The following STAT4 variants were observed in gnomAD, a reference collection of about 807,000 sequenced individuals.
STAT4 encodes the protein signal transducer and activator of transcription 4.
STAT4 carries 42 observed loss-of-function variants against 110.5 expected under a neutral mutation model. The ratio of observed to expected loss-of-function variants is 0.38; its 90% CI spans 0.30 to 0.49. The LOEUF (loss-of-function observed/expected upper bound fraction) is 0.49, where lower values mean the gene tolerates loss of function less well. STAT4 is among the 20% of genes least tolerant of loss of function. The pLI is 0.95. For synonymous variants in STAT4, 284 were observed against 302.2 expected, an observed-to-expected ratio of 0.94 and a Z score of 0.63; for missense variants, 632 against 887.9, an observed-to-expected ratio of 0.71 and a Z score of 3.66.
rs1696256140 is a variant in STAT4, at chr2:191,043,203, A to G, written c.1252-2055T>C. Reference sequence around the variant, plus strand: ...TATTGTAAGAAACATTCTGAAAATAATAAAGAACCACTTAAAATATAATAA... The same window carrying G: ...TATTGTAAGAAACATTCTGAAAATAGTAAAGAACCACTTAAAATATAATAA... On this transcript the variant is annotated intron_variant, in intron 14 of 23. Coordinates refer to ENST00000392320, the MANE Select transcript of STAT4 (RefSeq NM_003151.4). The surrounding 1 kb of genome is among the most constrained non-coding windows in gnomAD (Gnocchi z 4.8). 6.6e-6 allele frequency among the ~76,000 whole-genome samples: 1 copy of G among 152,280 alleles called. No individual in the cohort carries two copies. The highest frequency in any genetic ancestry group is 1.5e-5 in the Non-Finnish European group (1 of 68,054).
rs1341837783 is a variant in STAT4, at chr2:191,082,066, A to G, written c.274-5741T>C. ...TATTGTGCTGAGATTTCTTTCATCT[A>G]TTATGAGGAATTTGGCAATTTCTCT... is the stretch of plus-strand genomic sequence containing the variant. On this transcript the variant is annotated intron_variant, in intron 3 of 23. Coordinates refer to ENST00000392320, the MANE Select transcript of STAT4 (RefSeq NM_003151.4). The surrounding 1 kb of genome is among the most constrained non-coding windows in gnomAD (Gnocchi z 4.7). 2.0e-5 allele frequency among the ~76,000 whole-genome samples: 3 copies of G among 152,150 alleles called. No homozygotes were observed. The highest frequency in any genetic ancestry group is 7.2e-5 in the African/African-American group (3 of 41,438).
chr2:191,106,789 G>T (rs1286775783), intron 3 of STAT4, among the ~76,000 whole-genome samples: 2 of 152,154 alleles, frequency 1.3e-5, no homozygotes, highest in East Asian at 3.8e-4. Flanking sequence ...AGCCTTCAGG[G>T]ACAGAGGAAG....
At chr2:191,087,778 A>G (rs141253854) in intron 3 of STAT4, among the ~76,000 whole-genome samples, 11 of 152,320 alleles carry the variant, frequency 7.2e-5, no homozygotes, top group African/African-American at 2.6e-4. Flanking sequence ...AGAAGAGCTG[A>G]ACTAGTTGTC....
In STAT4 at chr2:191,033,316, G is replaced by C. The variant is rs753779120; in HGVS notation, c.1853-167C>G. On this transcript the variant is annotated intron_variant, in intron 20 of 23. Coordinates refer to ENST00000392320, the MANE Select transcript of STAT4 (RefSeq NM_003151.4). This position sits in a 1 kb window ranked among gnomAD's most constrained non-coding sequence, Gnocchi z 6.9. The stretch of plus-strand genomic sequence containing the variant: ...GACAGTATAGATTGTGCATACGATA[G>C]ACTTTTTGGAATTCATAGGTACCCT... Among the ~76,000 whole-genome samples the C allele has an allele frequency of 6.6e-6, 1 of 152,090 alleles. No homozygotes were observed. The highest frequency in any genetic ancestry group is 2.4e-5 in the African/African-American group (1 of 41,448).
intron 8 of STAT4, among the ~76,000 whole-genome samples, chr2:191,064,179 A>G (rs1332302908): frequency 6.6e-6 from 1 of 152,254 alleles, no homozygotes; most frequent in African/African-American, 2.4e-5. Context: ...TATTTGTGGT[A>G]TACAACATGA....
chr2:191,043,097 T>C lies in STAT4; in HGVS notation c.1252-1949A>G, dbSNP rs1696254434. ...CCCGGCCGTATTCTCTATTCCTGTA[T>C]ATATTTGAAAATGCACATTAAAACA... On this transcript the variant is annotated intron_variant, in intron 14 of 23. Coordinates refer to ENST00000392320, the MANE Select transcript of STAT4 (RefSeq NM_003151.4). The surrounding 1 kb of genome is among the most constrained non-coding windows in gnomAD (Gnocchi z 4.8). 6.6e-6 allele frequency among the ~76,000 whole-genome samples: 1 copy of C among 152,230 alleles called. No homozygotes were observed. Among genetic ancestry groups the C allele is most frequent in the African/African-American group, 2.4e-5 (1 of 41,458 alleles).
chr2:191,080,109 A>G (rs1452485804), intron 3 of STAT4, among the ~76,000 whole-genome samples: 3 of 152,186 alleles, frequency 2.0e-5, no homozygotes, highest in Non-Finnish European at 4.4e-5. Context: ...TTAGTGGTCA[A>G]TGAAATCTTT....
rs1416706616 is a variant in STAT4 at position 191,029,764 on chromosome 2, A to G, written c.*76T>C. 22 of 1,317,462 alleles carry G rather than the reference A, an allele frequency of 1.7e-5. No homozygotes were observed. The highest frequency in any genetic ancestry group is 2.3e-5 in the Non-Finnish European group (21 of 931,712). 81.6% of individuals were successfully genotyped at this position (1,317,462 alleles called of 1,614,324 possible). On this transcript the variant is annotated 3_prime_UTR_variant, in exon 24 of 24. Transcript: ENST00000392320. This position sits in a 1 kb window ranked among gnomAD's most constrained non-coding sequence, Gnocchi z 4.5. ...GTATTTACAAAGCTGAAGAAATAAA[A>G]TGTGGTTATTGGGCAAAGAACAGTC... is the stretch of plus-strand genomic sequence containing the variant.
At chr2:191,089,581 T>C (rs1697736661) in intron 3 of STAT4, among the ~76,000 whole-genome samples, 2 of 152,232 alleles carry the variant, frequency 1.3e-5, no homozygotes, top group Non-Finnish European at 2.9e-5. Flanking sequence ...AGATGAAAAC[T>C]CATTTCTACA....
chr2:191,135,965 G>A lies in STAT4; in HGVS notation c.273+10648C>T, dbSNP rs1209503340. On this transcript the variant is annotated intron_variant, in intron 3 of 23. Coordinates refer to ENST00000392320, the MANE Select transcript of STAT4 (RefSeq NM_003151.4). This position sits in a 1 kb window ranked among gnomAD's most constrained non-coding sequence, Gnocchi z 4.8. ...CCTGATGAATACTGATGCAAAATTT[G>A]TCAACAAAATACTAGCAAATCAAAT... Among the ~76,000 whole-genome samples, 1 of 135,794 alleles carries A rather than the reference G, an allele frequency of 7.4e-6. No homozygotes were observed. The highest frequency in any genetic ancestry group is 1.5e-5 in the Non-Finnish European group (1 of 64,866). The allele number at this position is 135,794 out of a possible 152,430, so 89.1% of individuals were successfully genotyped here.
chr2:191,056,512 G>A (rs1438993645), intron 13 of STAT4, among the ~76,000 whole-genome samples: 1 of 152,138 alleles, frequency 6.6e-6, no homozygotes, highest in East Asian at 1.9e-4. Context: ...TGGTTTTGGA[G>A]ATGTAAAAAT....
At chr2:191,081,105 T>C (rs974076257) in intron 3 of STAT4, among the ~76,000 whole-genome samples, 9 of 152,172 alleles carry the variant, frequency 5.9e-5, no homozygotes. Flanking sequence ...GGTTTTCTGT[T>C]CTTGTGTTAG....
chr2:191,126,347 C>T (rs1457460844), intron 3 of STAT4, among the ~76,000 whole-genome samples: 1 of 151,096 alleles, frequency 6.6e-6, no homozygotes, highest in Non-Finnish European at 1.5e-5. Context: ...AGGTCTTCAT[C>T]TCCATGAAAT....
Position 191,030,670 on chromosome 2 carries a change from G to T in STAT4, c.2220+302C>A, listed in dbSNP as rs1356599196. 2 of 257,460 alleles carry T rather than the reference G, an allele frequency of 7.8e-6. No homozygotes were observed. The highest frequency in any genetic ancestry group is 4.4e-5 in the African/African-American group (2 of 44,974). 15.9% of individuals were successfully genotyped at this position (257,460 alleles called of 1,614,324 possible). A position where few individuals can be genotyped will look rare whatever the true frequency, so the allele number is the denominator to read the frequency against. ...AAGTAGAGAGTGGTGGGGAGTGAGG[G>T]GGCCCATGGTGCAAGCAGCGATAGT... On this transcript the variant is annotated intron_variant, in intron 23 of 23. Coordinates refer to ENST00000392320, the MANE Select transcript of STAT4 (RefSeq NM_003151.4). The surrounding 1 kb of genome is among the most constrained non-coding windows in gnomAD (Gnocchi z 4.4).
chr2:191,042,033 C>G lies in STAT4; in HGVS notation c.1252-885G>C, dbSNP rs367657598. 7.8e-4 allele frequency among the ~76,000 whole-genome samples: 119 copies of G among 152,292 alleles called. No homozygotes were observed. The highest frequency in any genetic ancestry group is 2.8e-3 in the African/African-American group (116 of 41,566). ...CCCTTCTCCGACATCTAGAGCCAGG[C>G]TTAAAAGCTCCTGGAAAGGTATCTG... is the stretch of plus-strand genomic sequence containing the variant. On this transcript the variant is annotated intron_variant, in intron 14 of 23. Coordinates refer to ENST00000392320, the MANE Select transcript of STAT4 (RefSeq NM_003151.4). This position sits in a 1 kb window ranked among gnomAD's most constrained non-coding sequence, Gnocchi z 4.2.
chr2:191,054,651 C>T, intron 13 of STAT4, 117 bp from the exon 14 acceptor site: 1 of 824,112 alleles, frequency 1.2e-6, no homozygotes, highest in South Asian at 1.8e-5. Context: ...AGAACAGCAA[C>T]ATATTTTCAA....
intron 8 of STAT4, among the ~76,000 whole-genome samples, chr2:191,063,628 G>T (rs180959628): frequency 0.014 from 2,134 of 152,232 alleles, 54 homozygotes; most frequent in African/African-American, 0.049. Context: ...AGTCCACCTC[G>T]CCATACAGTA....
At chr2:191,100,240 G>A (rs1344720262) in intron 3 of STAT4, among the ~76,000 whole-genome samples, 1 of 152,134 alleles carries the variant, frequency 6.6e-6, no homozygotes, top group African/African-American at 2.4e-5. Flanking sequence ...ACAAAAATCT[G>A]AAGTCTATTT....
chr2:191,097,637 T>G (rs1336003088), intron 3 of STAT4, among the ~76,000 whole-genome samples: 1 of 152,228 alleles, frequency 6.6e-6, no homozygotes. Flanking sequence ...GATTAAAGAC[T>G]TAAATGTTAG....
Sources: gnomAD v4.1 joint callset for allele counts (sites outside exome capture counted in the v4.1 genomes callset) on GRCh38, gnomAD v4.1.1 for gene constraint, Gnocchi (gnomAD v3.1) non-coding constraint, MANE v1.5 for transcripts, NCBI Gene and HGNC (gene_info 2026-07-23, HGNC 2026-07-21) for gene names.